GRXCR1: variants seen among roughly 807,000 people sequenced by gnomAD.
GRXCR1 encodes the protein glutaredoxin and cysteine rich domain containing 1.
Under a neutral mutation model 27.3 loss-of-function variants are expected in GRXCR1, and 27 were observed. The ratio of observed to expected loss-of-function variants is 0.99; its 90% CI spans 0.73 to 1.37. The LOEUF (loss-of-function observed/expected upper bound fraction) is 1.37, where lower values mean the gene tolerates loss of function less well. Among genes scored for constraint, GRXCR1 ranks in the 40% most tolerant of loss-of-function variants. The pLI is 0.00. For missense variants in GRXCR1, 379 were observed against 354.4 expected, an observed-to-expected ratio of 1.07 and a Z score of -0.56; for synonymous variants, 122 against 131.1, an observed-to-expected ratio of 0.93 and a Z score of 0.47.
chr4:43,023,679 T>C (rs544653254), intron 3 of GRXCR1, among the ~76,000 whole-genome samples: 29 of 152,320 alleles, frequency 1.9e-4, no homozygotes, highest in African/African-American at 7.0e-4. Context: ...CAGATGTTCA[T>C]TTCTTTTTAT....
chr4:42,984,759 T>C (rs1218728056), intron 2 of GRXCR1, among the ~76,000 whole-genome samples: 1 of 152,164 alleles, frequency 6.6e-6, no homozygotes, highest in Non-Finnish European at 1.5e-5. Flanking sequence ...GAGGCCTGCC[T>C]GTTGATGAGA....
intron 1 of GRXCR1, among the ~76,000 whole-genome samples, chr4:42,931,952 G>C (rs557864349): frequency 6.6e-6 from 1 of 151,912 alleles, no homozygotes; most frequent in Non-Finnish European, 1.5e-5. Flanking sequence ...CATGGTGGCC[G>C]GCAATAGAGA....
At chr4:42,959,554 G>A (rs377633961) in intron 1 of GRXCR1, among the ~76,000 whole-genome samples, 79 of 151,946 alleles carry the variant, frequency 5.2e-4, no homozygotes, top group Non-Finnish European at 8.5e-4. Flanking sequence ...CAATTTTACC[G>A]CAAAAATGTA....
At chr4:42,927,065 C>T (rs1236716590) in intron 1 of GRXCR1, among the ~76,000 whole-genome samples, 2 of 151,918 alleles carry the variant, frequency 1.3e-5, no homozygotes, top group South Asian at 2.1e-4. Context: ...TGTCTTTACC[C>T]ATATGCCACC....
intron 2 of GRXCR1, among the ~76,000 whole-genome samples, chr4:43,010,708 A>G (rs1193883584): frequency 2.0e-5 from 3 of 152,148 alleles, no homozygotes; most frequent in Admixed American, 2.0e-4. Context: ...AGATCACGTA[A>G]AAAAGTGATC....
intron 1 of GRXCR1, 82 bp from the exon 2 acceptor site, chr4:42,962,810 A>C: frequency 6.6e-7 from 1 of 1,526,120 alleles, no homozygotes; most frequent in Admixed American, 1.7e-5. Context: ...CATGGCTTTA[A>C]CGCAATTTTT....
intron 3 of GRXCR1, among the ~76,000 whole-genome samples, chr4:43,026,666 G>A (rs1672753200): frequency 6.6e-6 from 1 of 152,300 alleles, no homozygotes; most frequent in Admixed American, 6.5e-5. Flanking sequence ...CTATCATAGA[G>A]GGAAGACCAT....
At chr4:42,995,315 T>C (rs1247997009) in intron 2 of GRXCR1, among the ~76,000 whole-genome samples, 2 of 152,208 alleles carry the variant, frequency 1.3e-5, no homozygotes, top group East Asian at 3.8e-4. Context: ...CATTTTGGTA[T>C]TCCTGCTTTG....
Position 42,965,053 on chromosome 4 carries a change from T to C in GRXCR1, c.627+1919T>C, listed in dbSNP as rs530050987. Among the ~76,000 whole-genome samples the C allele has an allele frequency of 5.3e-5, 8 of 152,174 alleles. No homozygotes were observed. The South Asian group carries it at 6.2e-4, about 12-fold the overall frequency. On this transcript the variant is annotated intron_variant, in intron 2 of 3. Coordinates refer to ENST00000399770, the MANE Select transcript of GRXCR1 (RefSeq NM_001080476.3). ...TGCACAGGTATAAAGTTGGCTGTTC[T>C]TATTCGGAAGCCAAACTGCTTATCT...
intron 2 of GRXCR1, among the ~76,000 whole-genome samples, chr4:42,995,664 G>A (rs1321645037): frequency 2.0e-5 from 3 of 152,060 alleles, no homozygotes; most frequent in African/African-American, 7.2e-5. Context: ...TGCTGCCTTA[G>A]AAAGAAAAAG....
chr4:42,949,410 C>G (rs1054022578), intron 1 of GRXCR1, among the ~76,000 whole-genome samples: 1 of 151,062 alleles, frequency 6.6e-6, no homozygotes, highest in Non-Finnish European at 1.5e-5. Flanking sequence ...GTATTAGTCC[C>G]TCTAATTTCT....
intron 1 of GRXCR1, among the ~76,000 whole-genome samples, chr4:42,940,274 A>G (rs1747586156): frequency 6.6e-6 from 1 of 152,052 alleles, no homozygotes; most frequent in Admixed American, 6.6e-5. Context: ...TACCATGTAA[A>G]TATTCTTACC....
chr4:42,902,534 T>TG (rs34303702), intron 1 of GRXCR1, among the ~76,000 whole-genome samples: 45,002 of 152,070 alleles, frequency 0.3, 7,168 homozygotes, highest in Middle Eastern at 0.38. Context: ...CTATCATTGA[T>TG]GGCATTTAGA....
intron 2 of GRXCR1, among the ~76,000 whole-genome samples, chr4:43,012,552 T>G (rs1712793268): frequency 6.6e-6 from 1 of 152,184 alleles, no homozygotes; most frequent in Admixed American, 6.5e-5. Context: ...CTTTGGGAAT[T>G]TATTACTACT....
At chr4:42,928,769 C>A (rs1747230236) in intron 1 of GRXCR1, among the ~76,000 whole-genome samples, 1 of 151,882 alleles carries the variant, frequency 6.6e-6, no homozygotes, top group Non-Finnish European at 1.5e-5. Context: ...TTAGGATTGG[C>A]TCAATGCTAT....
At chr4:42,954,158 A>G (rs1198835840) in intron 1 of GRXCR1, among the ~76,000 whole-genome samples, 1 of 152,178 alleles carries the variant, frequency 6.6e-6, no homozygotes, top group Non-Finnish European at 1.5e-5. Context: ...GTGGATAGAT[A>G]GTGAACCAGT....
chr4:42,908,715 C>T (rs1454739903), intron 1 of GRXCR1, among the ~76,000 whole-genome samples: 1 of 152,078 alleles, frequency 6.6e-6, no homozygotes, highest in East Asian at 1.9e-4. Flanking sequence ...CTGCAGACAA[C>T]AAGGAATGGT....
At chr4:43,000,590 T>C (rs1313643109) in intron 2 of GRXCR1, among the ~76,000 whole-genome samples, 1 of 152,030 alleles carries the variant, frequency 6.6e-6, no homozygotes, top group Non-Finnish European at 1.5e-5. Context: ...GTTGTGATGC[T>C]GGAATATTAT....
At chr4:42,983,352 G>A (rs1187375106) in intron 2 of GRXCR1, among the ~76,000 whole-genome samples, 6 of 147,478 alleles carry the variant, frequency 4.1e-5, no homozygotes, top group African/African-American at 1.3e-4. Context: ...GTTTGTCAAA[G>A]ATCAGATAGT....
Sources: gnomAD v4.1 joint callset for allele counts (sites outside exome capture counted in the v4.1 genomes callset) on GRCh38, gnomAD v4.1.1 for gene constraint, MANE v1.5 for transcripts, NCBI Gene and HGNC (gene_info 2026-07-23, HGNC 2026-07-21) for gene names.